Variants in AXIN1 observed in about 807,000 individuals in gnomAD.
The protein encoded by AXIN1 is axin-1.
AXIN1 carries 30 observed loss-of-function variants against 76.4 expected under a neutral mutation model. That is an observed-to-expected ratio of 0.39 (90% CI 0.29 to 0.53). AXIN1 has a LOEUF of 0.53. AXIN1 is among the 20% of genes least tolerant of loss of function. AXIN1 has a pLI of 0.66. For synonymous variants in AXIN1, 545 were observed against 501.4 expected, an observed-to-expected ratio of 1.09 and a Z score of -1.16; for missense variants, 1,140 against 1,198.8, an observed-to-expected ratio of 0.95 and a Z score of 0.72.
At chr16:328,746 G>A (rs2053630939) in intron 2 of AXIN1, among the ~76,000 whole-genome samples, 1 of 152,124 alleles carries the variant, frequency 6.6e-6, no homozygotes, top group South Asian at 2.1e-4. Flanking sequence ...CATATTCACA[G>A]GAACCCAAAC....
At position 346,723 on chromosome 16, in the gene AXIN1, C is replaced by A. The variant is rs747567560; in HGVS notation, c.303G>T (p.Leu101=). 1 of 1,585,352 alleles carries A rather than the reference C, an allele frequency of 6.3e-7. No homozygotes were observed. The highest frequency in any genetic ancestry group is 1.3e-5 in the African/African-American group (1 of 74,234). The change falls in exon 2 of 11, where the codon CTG becomes CTT. Residue 101 remains leucine, a synonymous_variant. Transcript: ENST00000262320. ...CCTCCTGCTTCAGGAAAGTCCTGAACAGGCTTATCCCATCTTGGTCATCCA... is the reference window on the plus strand; with the variant it reads ...CCTCCTGCTTCAGGAAAGTCCTGAAAAGGCTTATCCCATCTTGGTCATCCA... The part of the protein sequence containing the change: ...SLLDDQDGIS[L]FRTFLKQEGC...
chr16:351,562 A>G (rs1236259158), intron 1 of AXIN1, among the ~76,000 whole-genome samples: 2 of 151,990 alleles, frequency 1.3e-5, no homozygotes, highest in African/African-American at 4.8e-5. Flanking sequence ...GTGAGCCAAG[A>G]TAGCGCCACT....
Position 293,248 on chromosome 16 carries a change from G to A in AXIN1, c.2186+240C>T. On this transcript the variant is annotated intron_variant, in intron 8 of 10. Coordinates refer to ENST00000262320, the MANE Select transcript of AXIN1 (RefSeq NM_003502.4). This position sits in a 1 kb window ranked among gnomAD's most constrained non-coding sequence, Gnocchi z 4.6. ...AGGTTGAGGAGGGACCCCGCCTCCA[G>A]AGCAATGAGCGCGGCGGCCTCGGGT... 1 of 580,644 alleles carries A rather than the reference G, an allele frequency of 1.7e-6. No individual in the cohort carries two copies. Among genetic ancestry groups the A allele is most frequent in the Non-Finnish European group, 3.1e-6 (1 of 325,208 alleles). 36.0% of individuals were successfully genotyped at this position (580,644 alleles called of 1,614,324 possible).
At chr16:325,541 C>G (rs924693706) in intron 2 of AXIN1, among the ~76,000 whole-genome samples, 1 of 152,252 alleles carries the variant, frequency 6.6e-6, no homozygotes, top group Non-Finnish European at 1.5e-5. Flanking sequence ...GCCCTCCCCA[C>G]GTCTCGCCTC....
intron 2 of AXIN1, 150 bp from the exon 3 acceptor site, chr16:314,833 A>G: frequency 8.7e-7 from 1 of 1,151,788 alleles, no homozygotes; most frequent in Non-Finnish European, 1.2e-6. Flanking sequence ...AAAGACCAAC[A>G]TCTCCACCTG....
intron 2 of AXIN1, among the ~76,000 whole-genome samples, chr16:329,583 T>A (rs931866579): frequency 6.7e-6 from 1 of 150,002 alleles, no homozygotes; most frequent in Non-Finnish European, 1.5e-5. Context: ...GTAGATGGGA[T>A]TACAGGCGCA....
chr16:289,749 A>ACT lies in AXIN1; in HGVS notation c.2295-143_2295-142insAG. 23 of 998,410 alleles carry ACT rather than the reference A, an allele frequency of 2.3e-5. 2 individuals are homozygous for ACT. Among genetic ancestry groups the ACT allele is most frequent in the African/African-American group, 1.3e-4 (8 of 61,952 alleles). The allele number at this position is 998,410 out of a possible 1,614,324, so 61.8% of individuals were successfully genotyped here. ...CCCCATTCAAACACCTGGGGCCCGC[A>ACT]GCCCCCGCACAGCATCTCAATCTGG... On this transcript the variant is annotated intron_variant, in intron 9 of 10. Coordinates refer to ENST00000262320, the MANE Select transcript of AXIN1 (RefSeq NM_003502.4).
In AXIN1 at chr16:352,466, G is replaced by A; in HGVS notation, c.-179C>T. 2.1e-6 allele frequency: 2 copies of A among 968,278 alleles called. No individual in the cohort carries two copies. The highest frequency in any genetic ancestry group is 2.4e-6 in the Non-Finnish European group (2 of 817,424). The allele number at this position is 968,278 out of a possible 1,614,324, so 60.0% of individuals were successfully genotyped here. Reference sequence around the variant, plus strand: ...AGCGGCAGCGCGGCGGGCGGGACCCGGCGGGGGCGCGGCCCGGGGCGGCCC... The same window carrying A: ...AGCGGCAGCGCGGCGGGCGGGACCCAGCGGGGGCGCGGCCCGGGGCGGCCC... On this transcript the variant is annotated 5_prime_UTR_variant, in exon 1 of 11. Transcript: ENST00000262320.
intron 3 of AXIN1, among the ~76,000 whole-genome samples, chr16:312,658 G>C (rs1396365263): frequency 6.6e-6 from 1 of 152,110 alleles, no homozygotes; most frequent in African/African-American, 2.4e-5. Flanking sequence ...ATTTTATTTT[G>C]AAGATTCAAA....
intron 6 of AXIN1, 46 bp from the exon 7 acceptor site, chr16:297,272 G>A (rs978914602): frequency 6.3e-6 from 10 of 1,598,996 alleles, no homozygotes; most frequent in Non-Finnish European, 8.5e-6. Context: ...CGGTGGCCGA[G>A]GCTGTGCCCC....
Position 287,680 on chromosome 16 carries a change from T to G in AXIN1, c.*442A>C. 1 of 337,650 alleles carries G rather than the reference T, an allele frequency of 3.0e-6. No homozygotes were observed. Among genetic ancestry groups the G allele is most frequent in the Non-Finnish European group, 5.6e-6 (1 of 178,704 alleles). The allele number at this position is 337,650 out of a possible 1,614,324, so 20.9% of individuals were successfully genotyped here. A position where few individuals can be genotyped will look rare whatever the true frequency, so the allele number is the denominator to read the frequency against. ...AGTGGCAGGCAAGAGACAAGCTGTGTTGAAGGCACTCGGTGGCGCGTACAA... is the reference window on the plus strand; with the variant it reads ...AGTGGCAGGCAAGAGACAAGCTGTGGTGAAGGCACTCGGTGGCGCGTACAA... On this transcript the variant is annotated 3_prime_UTR_variant, in exon 11 of 11. Coordinates refer to ENST00000262320, the MANE Select transcript of AXIN1 (RefSeq NM_003502.4).
chr16:350,420 A>C (rs183963873), intron 1 of AXIN1, among the ~76,000 whole-genome samples: 28 of 152,220 alleles, frequency 1.8e-4, no homozygotes, highest in Non-Finnish European at 3.8e-4. Context: ...TGAGTCCATA[A>C]AACGGGCGGG....
At chr16:352,137 G>C (rs2141725950) in intron 1 of AXIN1, among the ~76,000 whole-genome samples, 1 of 152,026 alleles carries the variant, frequency 6.6e-6, no homozygotes, top group East Asian at 1.9e-4. Context: ...CCCCGCACGC[G>C]ATGCGCGGCC....
intron 2 of AXIN1, among the ~76,000 whole-genome samples, chr16:326,722 T>A (rs1597081358): frequency 6.9e-6 from 1 of 145,448 alleles, no homozygotes. Flanking sequence ...TCCAGCCTGG[T>A]GACAGAGTGG....
intron 1 of AXIN1, among the ~76,000 whole-genome samples, chr16:348,059 T>C (rs1049220016): frequency 7.2e-5 from 11 of 152,308 alleles, no homozygotes; most frequent in African/African-American, 2.2e-4. Flanking sequence ...CAGGGAACTA[T>C]AGAATTTGCT....
rs2052731114 is a variant in AXIN1, at chr16:297,076, CCTG to C, written c.1932_1934del (p.Ser644del). On this transcript the variant is annotated inframe_deletion, in exon 7 of 11. Transcript: ENST00000262320. ...CTCACCCGTGGCCGGTCCTGCGGTG[CCTG>C]CTGATCTCCTTTTCCCCCTCAATGA... 6.2e-7 allele frequency: 1 copy of C among 1,612,034 alleles called. No homozygotes were observed. Among genetic ancestry groups the C allele is most frequent in the Non-Finnish European group, 8.5e-7 (1 of 1,179,924 alleles).
intron 2 of AXIN1, among the ~76,000 whole-genome samples, chr16:334,746 C>T (rs1196505158): frequency 1.3e-5 from 2 of 151,702 alleles, no homozygotes; most frequent in African/African-American, 4.9e-5. Context: ...AACACAGCAC[C>T]TAGTACCACA....
At chr16:349,934 G>C (rs1357162804) in intron 1 of AXIN1, among the ~76,000 whole-genome samples, 1 of 152,152 alleles carries the variant, frequency 6.6e-6, no homozygotes, top group Non-Finnish European at 1.5e-5. Flanking sequence ...AAGTGGCGGG[G>C]ACTACAGGCA....
rs1372849386 is a variant in AXIN1, at chr16:293,693, G to A, written c.1981C>T (p.Pro661Ser). 4 of 1,613,670 alleles carry A rather than the reference G, an allele frequency of 2.5e-6. No individual in the cohort carries two copies. In the Admixed American group the frequency reaches 6.7e-5, roughly 27 times the overall value. Residue 661 changes from proline (P) to serine (S), a missense_variant, in exon 8 of 11, where the codon CCC (proline) becomes TCC (serine). Coordinates refer to ENST00000262320, the MANE Select transcript of AXIN1 (RefSeq NM_003502.4). The surrounding 1 kb of genome is among the most constrained non-coding windows in gnomAD (Gnocchi z 4.6). Reference sequence around the variant, plus strand: ...GACAAGGGTCTGGAGTTCTCATGGGGCTGTGGCTTCCTCGTCCCCGAAGAC... The same window carrying A: ...GACAAGGGTCTGGAGTTCTCATGGGACTGTGGCTTCCTCGTCCCCGAAGAC... ...HGSSGTRKPQPHENSRPLSLE... is the reference protein window; with the variant it reads ...HGSSGTRKPQSHENSRPLSLE...
Sources: gnomAD v4.1 joint callset for allele counts (sites outside exome capture counted in the v4.1 genomes callset) on GRCh38, gnomAD v4.1.1 for gene constraint, Gnocchi (gnomAD v3.1) non-coding constraint, MANE v1.5 for transcripts, NCBI Gene and HGNC (gene_info 2026-07-23, HGNC 2026-07-21) for gene names.